EIF3A: variants seen among roughly 807,000 people sequenced by gnomAD.
EIF3A encodes the protein eukaryotic translation initiation factor 3 subunit A.
Under a neutral mutation model 186.6 loss-of-function variants are expected in EIF3A, and 21 were observed. That is an observed-to-expected ratio of 0.11 (90% CI 0.08 to 0.16). EIF3A has a LOEUF of 0.16. Ranked by LOEUF, EIF3A falls within the 10% of genes least tolerant of loss-of-function variation. The pLI is 1.00. For synonymous variants in EIF3A, 563 were observed against 584.3 expected, an observed-to-expected ratio of 0.96 and a Z score of 0.52; for missense variants, 1,306 against 1,796.3, an observed-to-expected ratio of 0.73 and a Z score of 4.93.
chr10:119,080,539 G>A, intron 1 of EIF3A, 89 bp downstream of exon 1: 4 of 1,452,720 alleles, frequency 2.8e-6, no homozygotes, highest in Non-Finnish European at 3.6e-6. Context: ...GCGCGGGCCG[G>A]GCGGCGGAGC....
chr10:119,035,946 A>C lies in EIF3A; in HGVS notation c.*93T>G. On this transcript the variant is annotated 3_prime_UTR_variant, in exon 22 of 22. Transcript: ENST00000369144. The stretch of plus-strand genomic sequence containing the variant: ...TGTTATGGTGAAACAACATTAAAGA[A>C]TCCAATTTAGATTGGTTGAAGCACA... The C allele has an allele frequency of 1.1e-6, 1 of 934,704 alleles. No individual in the cohort carries two copies. Among genetic ancestry groups the C allele is most frequent in the Admixed American group, 2.1e-5 (1 of 47,858 alleles). 57.9% of individuals were successfully genotyped at this position (934,704 alleles called of 1,614,324 possible).
chr10:119,060,150 T>A (rs748368147), intron 9 of EIF3A: 5 of 497,836 alleles, frequency 1.0e-5, no homozygotes, highest in South Asian at 4.5e-5. Context: ...AATACTGAGA[T>A]GAAAATATAA....
chr10:119,057,994 C>G lies in EIF3A; in HGVS notation c.1939G>C (p.Glu647Gln), dbSNP rs1466403883. 1 of 1,613,664 alleles carries G rather than the reference C, an allele frequency of 6.2e-7. No individual in the cohort carries two copies. Among genetic ancestry groups the G allele is most frequent in the Non-Finnish European group, 8.5e-7 (1 of 1,179,932 alleles). ...TCTTTGAATGCTTTGGCACCCAGTT[C>G]TGTTTTCTTGATCTGCTCCAAACGC... ...RERLEQIKKT[E>Q]LGAKAFKDID... The change falls in exon 12 of 22, where the codon GAA (glutamate) becomes CAA (glutamine). Residue 647 changes from glutamate (E) to glutamine (Q), a missense_variant. By Grantham distance (29) the Glu-to-Gln change is conservative (BLOSUM62 2). Coordinates refer to ENST00000369144, the MANE Select transcript of EIF3A (RefSeq NM_003750.4).
In EIF3A at chr10:119,080,671, C is replaced by T. The variant is rs1844250906; in HGVS notation, c.6G>A (p.Pro2=). 6 of 1,595,814 alleles carry T rather than the reference C, an allele frequency of 3.8e-6. No homozygotes were observed. The highest frequency in any genetic ancestry group is 2.3e-5 in the East Asian group (1 of 43,798). ...CATTTTCCGGCCTCTGAAAATAGGC[C>T]GGCATCTTGGCGGCAGGCTCAGCTC... M[P]AYFQRPENAL... is the part of the protein sequence containing the mutation. The change falls in exon 1 of 22, where the codon CCG becomes CCA. Residue 2 remains proline, a synonymous_variant. Transcript: ENST00000369144.
At chr10:119,046,799 A>T (rs1303020935) in intron 17 of EIF3A, among the ~76,000 whole-genome samples, 1 of 152,060 alleles carries the variant, frequency 6.6e-6, no homozygotes, top group Non-Finnish European at 1.5e-5. Context: ...CTCTACTAAA[A>T]ATACAAAATT....
intron 1 of EIF3A, among the ~76,000 whole-genome samples, chr10:119,079,551 T>C (rs565710592): frequency 6.6e-6 from 1 of 151,934 alleles, no homozygotes; most frequent in Non-Finnish European, 1.5e-5. Flanking sequence ...GAGCTATCCA[T>C]GCCCTAACGA....
intron 11 of EIF3A, 110 bp from the exon 12 acceptor site, chr10:119,058,413 A>G (rs1843827032): frequency 2.7e-6 from 2 of 744,446 alleles, no homozygotes; most frequent in Non-Finnish European, 4.3e-6. Flanking sequence ...ATGTATCTGC[A>G]TTTGATAATG....
Position 119,073,453 on chromosome 10 carries a change from T to C in EIF3A, c.365A>G (p.Gln122Arg). The C allele has an allele frequency of 6.2e-7, 1 of 1,606,648 alleles. No individual in the cohort carries two copies. Among genetic ancestry groups the C allele is most frequent in the Non-Finnish European group, 8.5e-7 (1 of 1,174,640 alleles). The change falls in exon 3 of 22, where the codon CAA becomes CGA. Residue 122 changes from glutamine (Q) to arginine (R), a missense_variant. Gln to Arg is a conservative substitution (Grantham distance 43). Around this residue, in one of 8 missense-constraint regions of EIF3A, gnomAD observed 130 missense variants for 259.3 expected, o/e 0.50. Transcript: ENST00000369144. ...VLDIEDLDNI[Q>R]TPESVLLSAV... is the part of the protein sequence containing the mutation. The stretch of plus-strand genomic sequence containing the variant: ...CTAACCCACATACCTCTCAGGAGTT[T>C]GAATATTATCTAGATCCTCTATATC...
At chr10:119,038,137 G>A (rs940505661) in intron 20 of EIF3A, 101 bp downstream of exon 20, 21 of 1,027,288 alleles carry the variant, frequency 2.0e-5, no homozygotes, top group Non-Finnish European at 2.8e-5. Context: ...GGCTGCTCTC[G>A]AACTCCTGAA....
At chr10:119,070,813 C>T in intron 5 of EIF3A, 73 bp downstream of exon 5, 1 of 1,024,452 alleles carries the variant, frequency 9.8e-7, no homozygotes, top group Non-Finnish European at 1.5e-6. Flanking sequence ...CAAGATGAAG[C>T]TATTCATTAA....
In EIF3A at chr10:119,037,182, T is replaced by C; in HGVS notation, c.3856A>G (p.Arg1286Gly). 1 of 1,613,944 alleles carries C rather than the reference T, an allele frequency of 6.2e-7. No individual in the cohort carries two copies. The highest frequency in any genetic ancestry group is 8.5e-7 in the Non-Finnish European group (1 of 1,179,980). ...ERDDRRDLRE[R>G]RDLRDDRDRR... ...TCCCTGTCGTCTCTTAGATCTCGTC[T>C]TTCTCTTAGATCACGCCGGTCATCC... The change falls in exon 21 of 22, where the codon AGA becomes GGA. Residue 1286 changes from arginine (R) to glycine (G), a missense_variant. This residue lies in a region of EIF3A where 331 missense variants were observed against 365.8 expected (regional missense o/e 0.90). Coordinates refer to ENST00000369144, the MANE Select transcript of EIF3A (RefSeq NM_003750.4).
At chr10:119,074,151 A>ATT (rs10653537) in intron 1 of EIF3A, among the ~76,000 whole-genome samples, 149,251 of 152,264 alleles carry the variant, frequency 0.98, 73,213 homozygotes, top group South Asian at 1. Context: ...GTAAAACTGA[A>ATT]TCACTGTATT....
intron 15 of EIF3A, 52 bp from the exon 16 acceptor site, chr10:119,050,726 A>G (rs771578548): frequency 6.3e-7 from 1 of 1,594,630 alleles, no homozygotes. Flanking sequence ...GTCAAGAGCA[A>G]CAAACTCGCA....
chr10:119,073,755 A>C lies in EIF3A; in HGVS notation c.232T>G (p.Cys78Gly). The part of the protein sequence containing the change: ...KEGLYQYKNI[C>G]QQVNIKSLED... ...CCCAGTTCCGTTTGTACCTGTTGACAAATGTTCTTATACTGGTATAACCCC... is the reference window on the plus strand; with the variant it reads ...CCCAGTTCCGTTTGTACCTGTTGACCAATGTTCTTATACTGGTATAACCCC... Residue 78 changes from cysteine (C) to glycine (G), a missense_variant, in exon 2 of 22, where the codon TGT becomes GGT. By Grantham distance (159) the Cys-to-Gly change is radical. This residue lies in a region of EIF3A where 130 missense variants were observed against 259.3 expected (regional missense o/e 0.50). Coordinates refer to ENST00000369144, the MANE Select transcript of EIF3A (RefSeq NM_003750.4). 6.3e-7 allele frequency: 1 copy of C among 1,595,090 alleles called. No individual in the cohort carries two copies. The highest frequency in any genetic ancestry group is 8.5e-7 in the Non-Finnish European group (1 of 1,171,296).
intron 14 of EIF3A, among the ~76,000 whole-genome samples, chr10:119,054,496 C>T (rs1848398260): frequency 6.6e-6 from 1 of 150,680 alleles, no homozygotes; most frequent in Non-Finnish European, 1.5e-5. Context: ...GAGCAGATCA[C>T]CTGAGGCCAG....
chr10:119,037,907 A>ATTT lies in EIF3A; in HGVS notation c.3728+328_3728+330dup, dbSNP rs575308953. The stretch of plus-strand genomic sequence containing the variant: ...CTCCATTTTCTTACTTTAAGAGGGA[A>ATTT]TTTTTTTTTTTTTTTTTTTTTTTTT... On this transcript the variant is annotated intron_variant, in intron 20 of 21. Transcript: ENST00000369144. 2.7e-3 allele frequency among the ~76,000 whole-genome samples: 247 copies of ATTT among 93,142 alleles called. 8 individuals carry two copies. The highest frequency in any genetic ancestry group is 5.1e-3 in the East Asian group (14 of 2,744). The allele number at this position is 93,142 out of a possible 152,430, so 61.1% of individuals were successfully genotyped here. A position where few individuals can be genotyped will look rare whatever the true frequency, so the allele number is the denominator to read the frequency against.
At position 119,042,305 on chromosome 10, in the gene EIF3A, C is replaced by T; in HGVS notation, c.3215G>A (p.Gly1072Glu). The T allele has an allele frequency of 6.2e-7, 1 of 1,613,590 alleles. No homozygotes were observed. The highest frequency in any genetic ancestry group is 8.5e-7 in the Non-Finnish European group (1 of 1,179,896). ...CCTGGGACCCCGATCATCATCCAACCCTCGCCTGGGACCCCGGTCATCATC... is the reference window on the plus strand; with the variant it reads ...CCTGGGACCCCGATCATCATCCAACTCTCGCCTGGGACCCCGGTCATCATC... ...NADDDRGPRR[G>E]LDDDRGPRRG... The change falls in exon 19 of 22, where the codon GGG becomes GAG. Residue 1072 changes from glycine to glutamate, a missense_variant. Gly to Glu is a moderately conservative substitution (Grantham distance 98). Around this residue, in one of 8 missense-constraint regions of EIF3A, gnomAD observed 410 missense variants for 473.5 expected, o/e 0.87. Transcript: ENST00000369144. This position sits in a 1 kb window ranked among gnomAD's most constrained non-coding sequence, Gnocchi z 7.8.
chr10:119,079,417 G>A (rs1844227317), intron 1 of EIF3A, among the ~76,000 whole-genome samples: 1 of 152,098 alleles, frequency 6.6e-6, no homozygotes, highest in Non-Finnish European at 1.5e-5. Context: ...TTCATAAGAT[G>A]AATTTTCAAA....
At chr10:119,047,443 A>C (rs1848295268) in intron 17 of EIF3A, among the ~76,000 whole-genome samples, 1 of 152,158 alleles carries the variant, frequency 6.6e-6, no homozygotes, top group African/African-American at 2.4e-5. Context: ...AACTCTCCCA[A>C]AAAAAAGGGA....
Sources: gnomAD v4.1 joint callset for allele counts (sites outside exome capture counted in the v4.1 genomes callset) on GRCh38, gnomAD v4.1.1 for gene constraint, gnomAD v4.1.1 regional missense constraint, Gnocchi (gnomAD v3.1) non-coding constraint, MANE v1.5 for transcripts, NCBI Gene and HGNC (gene_info 2026-07-23, HGNC 2026-07-21) for gene names.